ABCB5: variants seen among roughly 807,000 people sequenced by gnomAD.
The protein encoded by ABCB5 is ATP-binding cassette sub-family B member 5.
In ABCB5, 155 loss-of-function variants were observed where a neutral mutation model predicts 144.2. That is an observed-to-expected ratio of 1.08 (90% CI 0.94 to 1.23). The LOEUF is 1.23. ABCB5 is among the 50% of genes most tolerant of loss of function. The pLI is 0.00. For missense variants in ABCB5, 1,830 were observed against 1,520.8 expected (o/e 1.20, Z -3.38); for synonymous variants, 610 against 528.6 (o/e 1.15, Z -2.11).
At chr7:20,636,147 T>G (rs183530573) in intron 5 of ABCB5, among the ~76,000 whole-genome samples, 2 of 152,278 alleles carry the variant, frequency 1.3e-5, no homozygotes, top group African/African-American at 4.8e-5. Context: ...TGGCTTAAAG[T>G]TCTTTTCTTA....
In ABCB5 at chr7:20,700,150, GAT is replaced by G; in HGVS notation, c.2337+16_2337+17del. 6.9e-7 allele frequency: 1 copy of G among 1,454,464 alleles called. No homozygotes were observed. Among genetic ancestry groups the G allele is most frequent in the Non-Finnish European group, 9.0e-7 (1 of 1,105,470 alleles). The allele number at this position is 1,454,464 out of a possible 1,614,324, so 90.1% of individuals were successfully genotyped here. Reference sequence around the variant, plus strand: ...TGTTATATCAGGTCAGTGATAAGTTGATTTTTTTTTTATTTTATTTAAAATTT... The same window carrying G: ...TGTTATATCAGGTCAGTGATAAGTTGTTTTTTTTTATTTTATTTAAAATTT... On this transcript the variant is annotated intron_variant, in intron 19 of 27. Coordinates refer to ENST00000404938, the MANE Select transcript of ABCB5 (RefSeq NM_001163941.2).
intron 20 of ABCB5, among the ~76,000 whole-genome samples, chr7:20,721,532 G>A (rs1173787009): frequency 6.6e-6 from 1 of 152,116 alleles, no homozygotes; most frequent in African/African-American, 2.4e-5. Context: ...CACTTTTAGT[G>A]TGTCTTCCCT....
chr7:20,666,292 C>T (rs1785192802), intron 14 of ABCB5, among the ~76,000 whole-genome samples: 2 of 152,140 alleles, frequency 1.3e-5, no homozygotes, highest in African/African-American at 2.4e-5. Context: ...CTTGTGTTCT[C>T]GTAGGTTTTC....
At chr7:20,739,825 T>A (rs1782505490) in intron 24 of ABCB5, among the ~76,000 whole-genome samples, 1 of 152,202 alleles carries the variant, frequency 6.6e-6, no homozygotes, top group Admixed American at 6.6e-5. Flanking sequence ...AAGGAAAGTA[T>A]ACCTATTAAA....
At chr7:20,678,191 A>T (rs1476226958) in intron 14 of ABCB5, among the ~76,000 whole-genome samples, 3 of 152,254 alleles carry the variant, frequency 2.0e-5, no homozygotes, top group African/African-American at 7.2e-5. Flanking sequence ...ATAATAGGAT[A>T]CATATTTTTC....
At chr7:20,660,883 T>A (rs1231091725) in intron 14 of ABCB5, among the ~76,000 whole-genome samples, 1 of 152,162 alleles carries the variant, frequency 6.6e-6, no homozygotes, top group East Asian at 1.9e-4. Context: ...TCTCCATTAG[T>A]CATTTATCTT....
At chr7:20,725,647 T>C (rs1055237032) in intron 21 of ABCB5, among the ~76,000 whole-genome samples, 25 of 152,354 alleles carry the variant, frequency 1.6e-4, no homozygotes, top group African/African-American at 5.5e-4. Context: ...TAAGGGTCTG[T>C]AATAATATTC....
intron 1 of ABCB5, among the ~76,000 whole-genome samples, chr7:20,617,437 A>T (rs1783712956): frequency 1.3e-5 from 2 of 152,332 alleles, no homozygotes; most frequent in African/African-American, 4.8e-5. Flanking sequence ...ACAGCAGATA[A>T]AAACAATATG....
intron 16 of ABCB5, among the ~76,000 whole-genome samples, chr7:20,694,160 A>G (rs1425023115): frequency 1.3e-5 from 2 of 151,828 alleles, no homozygotes; most frequent in South Asian, 2.1e-4. Context: ...AAATTAGACA[A>G]TGAGATTACA....
intron 3 of ABCB5, among the ~76,000 whole-genome samples, chr7:20,627,847 G>A (rs1562527455): frequency 6.6e-6 from 1 of 152,148 alleles, no homozygotes; most frequent in Non-Finnish European, 1.5e-5. Context: ...TTGAAAATGT[G>A]CAGATCAGCT....
chr7:20,647,690 CAAG>C, intron 10 of ABCB5, 42 bp downstream of exon 10: 2 of 1,534,196 alleles, frequency 1.3e-6, no homozygotes, highest in Non-Finnish European at 1.7e-6. Context: ...ATCATTACTG[CAAG>C]AAGGAGACAA....
chr7:20,632,226 A>G (rs1281772332), intron 5 of ABCB5, 113 bp downstream of exon 5: 1 of 616,986 alleles, frequency 1.6e-6, no homozygotes, highest in East Asian at 3.0e-5. Context: ...ATAACAAATG[A>G]TTAAAGCAAA....
intron 14 of ABCB5, chr7:20,666,846 T>C: frequency 6.9e-7 from 1 of 1,455,702 alleles, no homozygotes; most frequent in Non-Finnish European, 9.1e-7. Context: ...AATTGCACTA[T>C]CTCCCTAATC....
At chr7:20,619,370 A>T (rs950894975) in intron 1 of ABCB5, among the ~76,000 whole-genome samples, 1 of 152,012 alleles carries the variant, frequency 6.6e-6, no homozygotes, top group Non-Finnish European at 1.5e-5. Context: ...ACTTTTTGAT[A>T]ATAGCCATTC....
Position 20,643,688 on chromosome 7 carries a change from C to T in ABCB5, c.678+56C>T, listed in dbSNP as rs115112837. 1.2e-3 allele frequency: 1,825 copies of T among 1,584,414 alleles called. 12 individuals carry two copies. In the African/African-American group the frequency reaches 0.022, roughly 19 times the overall value. On this transcript the variant is annotated intron_variant, in intron 7 of 27. Transcript: ENST00000404938. ...GGAAGCAGCAGTGTGGACTAAATGA[C>T]TCACTGAGTTTGTTCAAAAATGGCT...
chr7:20,716,677 G>C (rs1002487016), intron 20 of ABCB5, among the ~76,000 whole-genome samples: 7 of 152,104 alleles, frequency 4.6e-5, no homozygotes, highest in Non-Finnish European at 1.0e-4. Context: ...AGTAAGGAGA[G>C]GAATGGGCCT....
rs1784465689 is a variant in ABCB5, at chr7:20,648,055, T to G, written c.1183T>G (p.Tyr395Asp). The G allele has an allele frequency of 5.6e-6, 9 of 1,604,032 alleles. No homozygotes were observed. The highest frequency in any genetic ancestry group is 7.7e-6 in the Non-Finnish European group (9 of 1,171,668). Residue 395 changes from tyrosine (Y) to aspartate (D), a missense_variant, in exon 11 of 28, where the codon TAT becomes GAT. By Grantham distance (160) the Tyr-to-Asp change is radical. Coordinates refer to ENST00000404938, the MANE Select transcript of ABCB5 (RefSeq NM_001163941.2). ...TVEFKNVSFN[Y>D]PSRPSIKILK... ...GGAATTTAAAAATGTTTCTTTCAAT[T>G]ATCCATCAAGACCATCTATCAAGGT...
chr7:20,683,123 T>G (rs1785881399), intron 15 of ABCB5, among the ~76,000 whole-genome samples: 1 of 152,192 alleles, frequency 6.6e-6, no homozygotes, highest in African/African-American at 2.4e-5. Context: ...ATTTAGAAAG[T>G]TATGAGCCTC....
intron 5 of ABCB5, among the ~76,000 whole-genome samples, chr7:20,634,049 G>A (rs546576694): frequency 3.1e-4 from 47 of 151,894 alleles, no homozygotes; most frequent in Non-Finnish European, 5.3e-4. Context: ...AGTCTCCAAT[G>A]TCTATTATTC....
Sources: allele counts gnomAD v4.1 joint callset (sites outside exome capture counted in the v4.1 genomes callset), GRCh38; gene constraint gnomAD v4.1.1; transcripts MANE v1.5; gene names NCBI Gene and HGNC (gene_info 2026-07-23, HGNC 2026-07-21).